Variants in UBR2 observed in about 807,000 individuals in gnomAD.
UBR2 encodes the protein ubiquitin protein ligase E3 component n-recognin 2.
In UBR2, 92 loss-of-function variants were observed where a neutral mutation model predicts 247.9. The observed-to-expected ratio is 0.37, with a 90% confidence interval of 0.31 to 0.44. The LOEUF is 0.44. Among genes scored for constraint, UBR2 ranks in the 20% least tolerant of loss-of-function variants. The pLI is 1.00. For missense variants in UBR2, 1,613 were observed against 2,112.6 expected (o/e 0.76, Z 4.64); for synonymous variants, 672 against 693.5 (o/e 0.97, Z 0.49).
chr6:42,577,179 T>G (rs73436679), intron 2 of UBR2, among the ~76,000 whole-genome samples: 3,371 of 152,300 alleles, frequency 0.022, 118 homozygotes, highest in African/African-American at 0.076. Context: ...TTGGAAAGAT[T>G]AAATATGGTT....
intron 14 of UBR2, 133 bp from the exon 15 acceptor site, chr6:42,636,878 T>C: frequency 1.1e-6 from 1 of 894,288 alleles, no homozygotes; most frequent in Non-Finnish European, 1.7e-6. Flanking sequence ...GGGACCAAAT[T>C]TGGGAGGGAG....
chr6:42,652,406 G>A, intron 24 of UBR2, 85 bp from the exon 25 acceptor site: 1 of 1,409,034 alleles, frequency 7.1e-7, no homozygotes. Context: ...AATATTCTTT[G>A]AGTTAAAACT....
intron 11 of UBR2, chr6:42,619,971 T>C: frequency 1.1e-6 from 1 of 925,434 alleles, no homozygotes; most frequent in Non-Finnish European, 1.3e-6. Flanking sequence ...TAGTAAACTT[T>C]TTATATTTTT....
In UBR2 at chr6:42,648,182, T is replaced by G; in HGVS notation, c.2462+12T>G. The G allele has an allele frequency of 6.2e-7, 1 of 1,609,622 alleles. No homozygotes were observed. The highest frequency in any genetic ancestry group is 8.5e-7 in the Non-Finnish European group (1 of 1,175,962). ...GTTGCCCATTTCAAGTGAGTTTACT[T>G]CCTATTATTTCACATTCTTTTTTAC... On this transcript the variant is annotated intron_variant, in intron 22 of 46. Coordinates refer to ENST00000372901, the MANE Select transcript of UBR2 (RefSeq NM_001363705.2).
chr6:42,633,715 T>C (rs1162590379), intron 13 of UBR2, among the ~76,000 whole-genome samples: 2 of 144,532 alleles, frequency 1.4e-5, no homozygotes, highest in African/African-American at 5.1e-5. Flanking sequence ...TTTTTTTGTT[T>C]GTTTTTTGTT....
intron 4 of UBR2, among the ~76,000 whole-genome samples, chr6:42,602,262 G>A (rs1190782158): frequency 1.3e-5 from 2 of 150,850 alleles, no homozygotes; most frequent in Non-Finnish European, 2.9e-5. Context: ...GTGCAGTGGT[G>A]CACAATCTCC....
intron 2 of UBR2, among the ~76,000 whole-genome samples, chr6:42,590,573 C>T (rs957317995): frequency 6.6e-6 from 1 of 152,108 alleles, no homozygotes; most frequent in African/African-American, 2.4e-5. Context: ...TAGCAGTTTT[C>T]ATATAAAAGA....
chr6:42,575,547 A>G (rs1054055781), intron 2 of UBR2, among the ~76,000 whole-genome samples: 2 of 151,992 alleles, frequency 1.3e-5, no homozygotes, highest in African/African-American at 2.4e-5. Flanking sequence ...TGTTTCCTCA[A>G]TTTTTCTGTG....
chr6:42,644,778 A>T (rs1796658206), intron 20 of UBR2, among the ~76,000 whole-genome samples: 1 of 152,118 alleles, frequency 6.6e-6, no homozygotes, highest in African/African-American at 2.4e-5. Context: ...GGAAGACTGT[A>T]TTTTGCGAGG....
At chr6:42,606,772 GATA>G (rs994020382) in intron 7 of UBR2, 121 bp downstream of exon 7, 11 of 773,680 alleles carry the variant, frequency 1.4e-5, no homozygotes, top group Admixed American at 1.3e-4. Context: ...TATGTTTAAA[GATA>G]ATGTTTCTTA....
At chr6:42,614,206 C>A (rs9471885) in intron 8 of UBR2, among the ~76,000 whole-genome samples, 8,877 of 24,530 alleles carry the variant, frequency 0.36, 1,542 homozygotes, top group East Asian at 0.5. Flanking sequence ...AAAAAAAAAA[C>A]TATATATATA....
chr6:42,614,205 AC>A (rs1359131979), intron 8 of UBR2, among the ~76,000 whole-genome samples: 1,973 of 26,394 alleles, frequency 0.075, 148 homozygotes, highest in Non-Finnish European at 0.095. Flanking sequence ...AAAAAAAAAA[AC>A]TATATATATA....
chr6:42,673,263 A>C (rs1056161432), intron 36 of UBR2, among the ~76,000 whole-genome samples: 1 of 152,178 alleles, frequency 6.6e-6, no homozygotes, highest in Non-Finnish European at 1.5e-5. Flanking sequence ...CATAAGAGAT[A>C]TGTGTTTTAG....
chr6:42,650,209 C>A, intron 22 of UBR2, 75 bp from the exon 23 acceptor site: 3 of 1,227,740 alleles, frequency 2.4e-6, no homozygotes, highest in Non-Finnish European at 2.3e-6. Flanking sequence ...CTTTCTTGTT[C>A]TAATATCCAA....
At position 42,642,418 on chromosome 6, in the gene UBR2, T is replaced by C. The variant is rs775501192; in HGVS notation, c.2034T>C (p.Ile678=). 2 of 1,600,174 alleles carry C rather than the reference T, an allele frequency of 1.2e-6. No homozygotes were observed. Among genetic ancestry groups the C allele is most frequent in the South Asian group, 1.1e-5 (1 of 89,734 alleles). ...RRNGFSLVNQ[I]YYYHNVKCRR... ...AATATAATTACTTTTTTTTTTAGATTTATTACTACCATAATGTGAAATGCA... is the reference window on the plus strand; with the variant it reads ...AATATAATTACTTTTTTTTTTAGATCTATTACTACCATAATGTGAAATGCA... Residue 678 remains isoleucine, a splice_region_variant and synonymous_variant, in exon 18 of 47, where the codon ATT becomes ATC. Transcript: ENST00000372901.
At chr6:42,663,154 T>C (rs1797917054) in intron 31 of UBR2, 104 bp from the exon 32 acceptor site, 2 of 987,798 alleles carry the variant, frequency 2.0e-6, no homozygotes, top group South Asian at 7.2e-5. Flanking sequence ...GATTTTCATT[T>C]TTGAACTATT....
At chr6:42,655,824 A>G (rs1046558480) in intron 26 of UBR2, 101 bp downstream of exon 26, 25 of 674,590 alleles carry the variant, frequency 3.7e-5, no homozygotes, top group African/African-American at 5.8e-5. Flanking sequence ...CTAAAAGGGT[A>G]ATATTTAATC....
chr6:42,640,383 G>GAGGT, intron 16 of UBR2, 113 bp downstream of exon 16: 2 of 171,016 alleles, frequency 1.2e-5, no homozygotes, highest in Non-Finnish European at 2.1e-5. Context: ...GAACCAGTAA[G>GAGGT]GTGTGTGTGT....
intron 1 of UBR2, among the ~76,000 whole-genome samples, chr6:42,567,196 TAAG>T (rs1366448190): frequency 2.0e-5 from 3 of 150,846 alleles, no homozygotes; most frequent in Non-Finnish European, 3.0e-5. Flanking sequence ...ATTCCTGTTA[TAAG>T]GAGGAAGAAC....
Sources: allele counts gnomAD v4.1 joint callset (sites outside exome capture counted in the v4.1 genomes callset), GRCh38; gene constraint gnomAD v4.1.1; transcripts MANE v1.5; gene names NCBI Gene and HGNC (gene_info 2026-07-23, HGNC 2026-07-21).